ADAP1: variants seen among roughly 807,000 people sequenced by gnomAD.
ADAP1 encodes the protein arf-GAP with dual PH domain-containing protein 1.
ADAP1 carries 31 observed loss-of-function variants against 54.9 expected under a neutral mutation model. The ratio of observed to expected loss-of-function variants is 0.56; its 90% CI spans 0.42 to 0.76. The LOEUF (loss-of-function observed/expected upper bound fraction) is 0.76, where lower values mean the gene tolerates loss of function less well. Ranked by LOEUF, ADAP1 falls within the 30% of genes least tolerant of loss-of-function variation. The pLI, the probability that ADAP1 is intolerant of heterozygous loss-of-function variation, is 0.00. For missense variants in ADAP1, 535 were observed against 512.4 expected (o/e 1.04, Z -0.42); for synonymous variants, 313 against 202.6 (o/e 1.55, Z -4.63).
At chr7:900,273 C>G in intron 7 of ADAP1, 109 bp from the exon 8 acceptor site, 1 of 1,375,420 alleles carries the variant, frequency 7.3e-7, no homozygotes, top group Admixed American at 1.8e-5. Flanking sequence ...CAGGTCAGGG[C>G]CCAGGCCTGG....
At chr7:954,704 C>T (rs1847346545), upstream of ADAP1, 7 of 981,562 alleles carry the variant, frequency 7.1e-6, no homozygotes, top group South Asian at 9.4e-5. Context: ...CCGGGGCGCA[C>T]GCTGCGCTCT....
intron 1 of ADAP1, among the ~76,000 whole-genome samples, chr7:947,214 GTTTTTT>G (rs373444087): frequency 1.7e-4 from 14 of 84,180 alleles, no homozygotes; most frequent in African/African-American, 6.6e-4. Flanking sequence ...TGATTTTTTG[GTTTTTT>G]TTTTTTTTTT....
At chr7:950,965 A>C (rs2128113267) in intron 1 of ADAP1, among the ~76,000 whole-genome samples, 1 of 151,912 alleles carries the variant, frequency 6.6e-6, no homozygotes, top group African/African-American at 2.4e-5. Flanking sequence ...ACAGAGCTTC[A>C]GTTTGGGAAG....
At chr7:944,686 A>G (rs11974640) in intron 1 of ADAP1, among the ~76,000 whole-genome samples, 24,994 of 152,202 alleles carry the variant, frequency 0.16, 2,105 homozygotes, top group East Asian at 0.23. Flanking sequence ...GGCACCCATC[A>G]CCTCAAGCGT....
At chr7:910,015 G>A (rs1398804702) in intron 4 of ADAP1, among the ~76,000 whole-genome samples, 2 of 152,216 alleles carry the variant, frequency 1.3e-5, no homozygotes, top group Admixed American at 1.3e-4. Flanking sequence ...CTAAGAGCAG[G>A]AAAGACGTTC....
At chr7:910,458 C>T (rs563303236) in intron 4 of ADAP1, among the ~76,000 whole-genome samples, 65 of 152,226 alleles carry the variant, frequency 4.3e-4, no homozygotes, top group Non-Finnish European at 7.4e-4. Flanking sequence ...ACTGCGTTGC[C>T]CAGGCTGGTC....
At chr7:906,806 G>GGGGGGACATGGGTGACAT (rs138744439) in intron 4 of ADAP1, among the ~76,000 whole-genome samples, 2 of 44,396 alleles carry the variant, frequency 4.5e-5, no homozygotes, top group African/African-American at 9.1e-5. Flanking sequence ...CAGGGGACAT[G>GGGGGGACATGGGTGACAT]GGGGGACATG....
chr7:954,482 G>A lies in ADAP1; in HGVS notation c.-5C>T. 4 of 1,026,440 alleles carry A rather than the reference G, an allele frequency of 3.9e-6. No individual in the cohort carries two copies. Among genetic ancestry groups the A allele is most frequent in the Non-Finnish European group, 4.7e-6 (4 of 858,376 alleles). 63.6% of individuals were successfully genotyped at this position (1,026,440 alleles called of 1,614,324 possible). On this transcript the variant is annotated 5_prime_UTR_variant, in exon 1 of 11. Transcript: ENST00000265846. ...CCTGCGCCGCTCCTTGGCCATGGCC[G>A]CGATGCGCCCGCGATGCCGATGCCG...
intron 3 of ADAP1, among the ~76,000 whole-genome samples, chr7:922,013 G>A (rs1002700892): frequency 3.9e-5 from 6 of 152,194 alleles, no homozygotes; most frequent in Admixed American, 3.9e-4. Context: ...GCAGCAGGAG[G>A]AAGCCTGGGA....
chr7:913,198 C>CTTTTT (rs10698107), intron 4 of ADAP1, among the ~76,000 whole-genome samples: 30 of 104,210 alleles, frequency 2.9e-4, no homozygotes, highest in East Asian at 5.6e-4. Context: ...CCTCCCCTTC[C>CTTTTT]TTTTTTTTTT....
At position 898,253 on chromosome 7, in the gene ADAP1, G is replaced by A. The variant is rs1844600872; in HGVS notation, c.*668C>T. 6.5e-6 allele frequency: 1 copy of A among 154,620 alleles called. No homozygotes were observed. Among genetic ancestry groups the A allele is most frequent in the Admixed American group, 6.3e-5 (1 of 15,834 alleles). The allele number at this position is 154,620 out of a possible 1,614,324, so 9.6% of individuals were successfully genotyped here. A position where few individuals can be genotyped will look rare whatever the true frequency, so the allele number is the denominator to read the frequency against. On this transcript the variant is annotated 3_prime_UTR_variant, in exon 11 of 11. Transcript: ENST00000265846. ...CCGCGGCCCAGGCCCTCGTCCCCAA[G>A]GGTTCAGACACCACTGTCGGCGAGC...
chr7:935,601 T>C, intron 1 of ADAP1, 96 bp from the exon 2 acceptor site: 4 of 1,435,888 alleles, frequency 2.8e-6, no homozygotes, highest in Non-Finnish European at 3.7e-6. Context: ...GGCCATGCAG[T>C]GGGGGGGGCT....
chr7:943,853 GGA>G (rs1242130682), intron 1 of ADAP1, among the ~76,000 whole-genome samples: 3 of 149,256 alleles, frequency 2.0e-5, no homozygotes, highest in Non-Finnish European at 4.5e-5. Flanking sequence ...GAGGAGGAAG[GGA>G]GAGAGGAGGA....
intron 2 of ADAP1, among the ~76,000 whole-genome samples, chr7:931,105 C>T (rs577906408): frequency 2.7e-5 from 4 of 146,982 alleles, no homozygotes; most frequent in East Asian, 2.0e-4. Flanking sequence ...GACGGAGGGA[C>T]GGAGAGACAG....
chr7:905,896 GA>G (rs1471646327), intron 4 of ADAP1, among the ~76,000 whole-genome samples: 319 of 16,918 alleles, frequency 0.019, 1 homozygote, highest in Admixed American at 0.031. Flanking sequence ...AAGGAGAAAG[GA>G]GAAAGGAGAA....
At position 904,944 on chromosome 7, in the gene ADAP1, G is replaced by A. The variant is rs180702640; in HGVS notation, c.501+116C>T. ...CCGGTTCTCCTGGAGCGTCCCCATC[G>A]GGGGGGGCAGCAGGGAGGGCAGCTG... is the stretch of plus-strand genomic sequence containing the variant. On this transcript the variant is annotated intron_variant, in intron 5 of 10. Coordinates refer to ENST00000265846, the MANE Select transcript of ADAP1 (RefSeq NM_006869.4). The A allele has an allele frequency of 3.0e-3, 2,505 of 836,996 alleles. 43 individuals are homozygous for A. In the African/African-American group the frequency reaches 0.041, roughly 14 times the overall value. The allele number at this position is 836,996 out of a possible 1,614,324, so 51.8% of individuals were successfully genotyped here.
At position 905,356 on chromosome 7, in the gene ADAP1, CAG is replaced by C. The variant is rs1491122102; in HGVS notation, c.389-186_389-185del. 148 of 234,720 alleles carry C rather than the reference CAG, an allele frequency of 6.3e-4. 18 individuals carry two copies. The highest frequency in any genetic ancestry group is 6.9e-4 in the Non-Finnish European group (94 of 136,388). The allele number at this position is 234,720 out of a possible 1,614,324, so 14.5% of individuals were successfully genotyped here. A position where few individuals can be genotyped will look rare whatever the true frequency, so the allele number is the denominator to read the frequency against. Reference sequence around the variant, plus strand: ...GGAGACAGGGAGATAGGAAGATGGGCAGGGAAAGGGAAAGGGAAAGGAGAAAG... The same window carrying C: ...GGAGACAGGGAGATAGGAAGATGGGCGGAAAGGGAAAGGGAAAGGAGAAAG... On this transcript the variant is annotated intron_variant, in intron 4 of 10. Transcript: ENST00000265846.
intron 2 of ADAP1, among the ~76,000 whole-genome samples, chr7:928,558 C>G (rs146511636): frequency 6.6e-6 from 1 of 152,170 alleles, no homozygotes; most frequent in Admixed American, 6.5e-5. Flanking sequence ...AGGATTTGAT[C>G]GGACATTTCT....
At chr7:900,324 A>AC (rs2128632744) in intron 7 of ADAP1, among the ~76,000 whole-genome samples, 160 bp from the exon 8 acceptor site, 1 of 151,788 alleles carries the variant, frequency 6.6e-6, no homozygotes, top group African/African-American at 2.4e-5. Flanking sequence ...TCTGCTTGCC[A>AC]CCCCTTCCCT....
Sources: gnomAD v4.1 joint callset for allele counts (sites outside exome capture counted in the v4.1 genomes callset) on GRCh38, gnomAD v4.1.1 for gene constraint, MANE v1.5 for transcripts, NCBI Gene and HGNC (gene_info 2026-07-23, HGNC 2026-07-21) for gene names.